Variants in RPS6KC1 observed in about 807,000 individuals in gnomAD.
The protein encoded by RPS6KC1 is inactive ribosomal protein S6 kinase delta-1.
Under a neutral mutation model 103.8 loss-of-function variants are expected in RPS6KC1, and 54 were observed. That is an observed-to-expected ratio of 0.52 (90% CI 0.42 to 0.65). The LOEUF (loss-of-function observed/expected upper bound fraction) is 0.65. RPS6KC1 is among the 30% of genes least tolerant of loss of function. RPS6KC1 has a pLI of 0.00. For missense variants in RPS6KC1, 1,151 were observed against 1,253.8 expected, an observed-to-expected ratio of 0.92 and a Z score of 1.24; for synonymous variants, 439 against 438.7, an observed-to-expected ratio of 1.00 and a Z score of -0.01.
At chr1:213,292,695 G>T in the RPS6KC1 span, among the ~76,000 whole-genome samples, 11 of 152,146 alleles carry the variant, frequency 7.2e-5, no homozygotes, top group Non-Finnish European at 1.5e-4. Context: ...GATAGACAGT[G>T]ATTTTCTAAA....
intron 8 of RPS6KC1, among the ~76,000 whole-genome samples, chr1:213,202,270 C>T (rs916218934): frequency 4.6e-5 from 7 of 151,978 alleles, no homozygotes; most frequent in African/African-American, 1.7e-4. Flanking sequence ...TTTAAAAAAT[C>T]AGTGTGCCCT....
chr1:213,474,513 A>G, the RPS6KC1 span, among the ~76,000 whole-genome samples: 1 of 152,132 alleles, frequency 6.6e-6, no homozygotes, highest in East Asian at 1.9e-4. Flanking sequence ...AATGAGGTGC[A>G]ATTTATCAAG....
chr1:213,852,458 TC>T, the RPS6KC1 span, among the ~76,000 whole-genome samples: 140 of 152,298 alleles, frequency 9.2e-4, 1 homozygote, highest in African/African-American at 3.2e-3. Flanking sequence ...CATCTATTTA[TC>T]TTTTTTAAAT....
At chr1:213,446,686 A>G in the RPS6KC1 span, among the ~76,000 whole-genome samples, 1 of 152,046 alleles carries the variant, frequency 6.6e-6, no homozygotes, top group Non-Finnish European at 1.5e-5. Context: ...TGACCGTCAC[A>G]CTCTGTCATA....
chr1:213,350,500 G>A, the RPS6KC1 span, among the ~76,000 whole-genome samples: 2 of 152,134 alleles, frequency 1.3e-5, no homozygotes, highest in Non-Finnish European at 2.9e-5. Flanking sequence ...CACTGCCTCT[G>A]AGAGTGTTAG....
At position 213,187,939 on chromosome 1, in the gene RPS6KC1, G is replaced by C. The variant is rs562464824; in HGVS notation, c.1044+11447G>C. Among the ~76,000 whole-genome samples the C allele has an allele frequency of 2.6e-5, 4 of 152,228 alleles. No individual in the cohort carries two copies. In the South Asian group the frequency reaches 8.3e-4, roughly 32 times the overall value. On this transcript the variant is annotated intron_variant, in intron 8 of 14. Coordinates refer to ENST00000366960, the MANE Select transcript of RPS6KC1 (RefSeq NM_012424.6). ...GTACCTTAAGCTTGGGTTGACCTCAGCTCTGGTAAATGATCAGAGTGATGC... is the reference window on the plus strand; with the variant it reads ...GTACCTTAAGCTTGGGTTGACCTCACCTCTGGTAAATGATCAGAGTGATGC...
intron 10 of RPS6KC1, among the ~76,000 whole-genome samples, chr1:213,236,286 T>C (rs2094219292): frequency 6.6e-6 from 1 of 152,126 alleles, no homozygotes; most frequent in African/African-American, 2.4e-5. Context: ...TCGTAAAGAA[T>C]GGTTATTAGA....
intron 8 of RPS6KC1, among the ~76,000 whole-genome samples, chr1:213,207,004 G>C (rs11801762): frequency 6.6e-6 from 1 of 152,086 alleles, no homozygotes; most frequent in Non-Finnish European, 1.5e-5. Context: ...CCAGCTACTC[G>C]GCAGGCTGAG....
the RPS6KC1 span, among the ~76,000 whole-genome samples, chr1:213,396,291 T>C: frequency 2.6e-5 from 4 of 152,166 alleles, no homozygotes; most frequent in African/African-American, 9.7e-5. Context: ...GATGCCAGAA[T>C]GTGGGCATGG....
intron 14 of RPS6KC1, among the ~76,000 whole-genome samples, chr1:213,270,160 A>G (rs1297401262): frequency 2.6e-5 from 4 of 152,216 alleles, no homozygotes; most frequent in Admixed American, 6.5e-5. Context: ...CACACCAACT[A>G]TAAAACCACG....
At chr1:213,363,708 T>C in the RPS6KC1 span, among the ~76,000 whole-genome samples, 5 of 119,392 alleles carry the variant, frequency 4.2e-5, no homozygotes, top group African/African-American at 1.2e-4. Flanking sequence ...CTTTCCTTCT[T>C]TCTTTCTTTC....
chr1:213,439,634 A>G, the RPS6KC1 span, among the ~76,000 whole-genome samples: 38 of 152,304 alleles, frequency 2.5e-4, 1 homozygote, highest in African/African-American at 8.4e-4. Flanking sequence ...ACTCAGATGC[A>G]GGCCTCACAA....
chr1:213,836,008 A>G, the RPS6KC1 span: 1 of 152,038 alleles, frequency 6.6e-6, no homozygotes, highest in African/African-American at 2.4e-5. Context: ...TTATAAAAAT[A>G]ATTTGGGGAG....
the RPS6KC1 span, among the ~76,000 whole-genome samples, chr1:213,838,502 T>C: frequency 6.6e-6 from 1 of 151,842 alleles, no homozygotes; most frequent in African/African-American, 2.4e-5. Context: ...AGTAAGAAAA[T>C]TACAAAGACA....
chr1:213,165,818 A>C (rs1349059034), intron 6 of RPS6KC1, among the ~76,000 whole-genome samples: 2 of 152,176 alleles, frequency 1.3e-5, no homozygotes, highest in Admixed American at 1.3e-4. Flanking sequence ...CAGCCTCCCA[A>C]AGTGTTGGGA....
chr1:213,525,257 C>T, the RPS6KC1 span, among the ~76,000 whole-genome samples: 1 of 152,012 alleles, frequency 6.6e-6, no homozygotes, highest in South Asian at 2.1e-4. Context: ...AGTAGAGAGA[C>T]AGTATTTACT....
the RPS6KC1 span, among the ~76,000 whole-genome samples, chr1:213,323,500 G>C: frequency 1.3e-5 from 2 of 152,064 alleles, no homozygotes; most frequent in African/African-American, 4.8e-5. Context: ...TGTGGTAAAG[G>C]CATCCCCCTT....
the RPS6KC1 span, among the ~76,000 whole-genome samples, chr1:213,664,194 G>GGGGGT: frequency 9.0e-5 from 13 of 144,490 alleles, no homozygotes; most frequent in East Asian, 1.8e-3. Context: ...GAAATGAGCG[G>GGGGGT]GGGGGCGGGG....
At position 213,272,587 on chromosome 1, in the gene RPS6KC1, T is replaced by C; in HGVS notation, c.3154T>C (p.Ser1052Pro). 1 of 1,614,026 alleles carries C rather than the reference T, an allele frequency of 6.2e-7. No homozygotes were observed. Among genetic ancestry groups the C allele is most frequent in the South Asian group, 1.1e-5 (1 of 91,078 alleles). The change falls in exon 15 of 15, where the codon TCT (serine) becomes CCT (proline). Residue 1052 changes from serine to proline, a missense_variant. Coordinates refer to ENST00000366960, the MANE Select transcript of RPS6KC1 (RefSeq NM_012424.6). ...AGVAGVEDIK[S>P]HPFFTPVDWA... ...AGTTGCTGGTGTTGAAGATATCAAA[T>C]CTCATCCATTTTTTACCCCTGTGGA...
Sources: gnomAD v4.1 joint callset for allele counts (sites outside exome capture counted in the v4.1 genomes callset) on GRCh38, gnomAD v4.1.1 for gene constraint, MANE v1.5 for transcripts, NCBI Gene and HGNC (gene_info 2026-07-23, HGNC 2026-07-21) for gene names.